Variants in EVPL observed in about 807,000 individuals in gnomAD.
EVPL encodes 210 kDa cornified envelope precursor protein.
EVPL carries 94 observed loss-of-function variants against 129.7 expected under a neutral mutation model. That is an observed-to-expected ratio of 0.72 (90% CI 0.61 to 0.86). The LOEUF (loss-of-function observed/expected upper bound fraction) is 0.86. EVPL is among the 40% of genes least tolerant of loss of function. The pLI is 0.00. For synonymous variants in EVPL, 1,172 were observed against 1,191.1 expected, an observed-to-expected ratio of 0.98 and a Z score of 0.33; for missense variants, 2,625 against 2,721.1, an observed-to-expected ratio of 0.96 and a Z score of 0.79.
rs2066465084 is a variant in EVPL, at chr17:76,022,106, C to T, written c.646-78G>A. On this transcript the variant is annotated intron_variant, in intron 6 of 21. Coordinates refer to ENST00000301607, the MANE Select transcript of EVPL (RefSeq NM_001988.4). This position sits in a 1 kb window ranked among gnomAD's most constrained non-coding sequence, Gnocchi z 5.6. The stretch of plus-strand genomic sequence containing the variant: ...GCAAAAGGCGCCATTGGGCCGCGCT[C>T]AGGAACACTGGCCCCGGGCAGGGTC... The T allele has an allele frequency of 1.3e-6, 2 of 1,589,960 alleles. No homozygotes were observed. Among genetic ancestry groups the T allele is most frequent in the South Asian group, 2.3e-5 (2 of 88,866 alleles).
Position 76,013,030 on chromosome 17 carries a change from C to T in EVPL, c.2374-941G>A, listed in dbSNP as rs1424411343. On this transcript the variant is annotated intron_variant, in intron 18 of 21. Coordinates refer to ENST00000301607, the MANE Select transcript of EVPL (RefSeq NM_001988.4). This position sits in a 1 kb window ranked among gnomAD's most constrained non-coding sequence, Gnocchi z 4.3. ...AAGTGCTGGGATTACAGGCGTGAGC[C>T]ACCGCGCCCGGCCTGAGAATTCATA... 2.6e-5 allele frequency among the ~76,000 whole-genome samples: 4 copies of T among 152,312 alleles called. No individual in the cohort carries two copies. The highest frequency in any genetic ancestry group is 7.2e-5 in the African/African-American group (3 of 41,568).
chr17:76,018,787 G>A, intron 11 of EVPL, 127 bp downstream of exon 11: 1 of 1,295,142 alleles, frequency 7.7e-7, no homozygotes, highest in Non-Finnish European at 1.0e-6. Flanking sequence ...CTGAGTCAAG[G>A]GAAGGAGTAG....
At position 76,011,517 on chromosome 17, in the gene EVPL, G is replaced by A. The variant is rs190508274; in HGVS notation, c.2661+59C>T. On this transcript the variant is annotated intron_variant, in intron 21 of 21. Transcript: ENST00000301607. ...GACAGCCTGGCATTTTGGGAATGGA[G>A]TGGGCATTCCTGGTTATTCCTGGCT... 2.0e-4 allele frequency: 286 copies of A among 1,432,152 alleles called. 2 individuals carry two copies. In the East Asian group the frequency reaches 5.6e-3, roughly 28 times the overall value. 88.7% of individuals were successfully genotyped at this position (1,432,152 alleles called of 1,614,324 possible). A position where few individuals can be genotyped will look rare whatever the true frequency, so the allele number is the denominator to read the frequency against.
chr17:76,015,133 G>A (rs1193688217), intron 16 of EVPL, 24 bp from the exon 17 acceptor site: 3 of 1,566,738 alleles, frequency 1.9e-6, no homozygotes, highest in Non-Finnish European at 2.6e-6. Context: ...GGACGCAGCC[G>A]TGCACCCTCG....
rs138473402 is a variant in EVPL at position 76,011,592 on chromosome 17, C to T, written c.2645G>A (p.Arg882Lys). 1.3e-4 allele frequency: 202 copies of T among 1,614,134 alleles called. No homozygotes were observed. In the African/African-American group the frequency reaches 2.2e-3, roughly 18 times the overall value. Reference protein sequence around the residue: ...QQLLQQLEFARKMLEKKELSE... With the variant: ...QQLLQQLEFAKKMLEKKELSE... ...TCTGTGTACCTTCTCCAGCATTTTT[C>T]TAGCAAACTCCAGCTGCTGGAGCAG... The change falls in exon 21 of 22, where the codon AGA becomes AAA. Residue 882 changes from arginine (R) to lysine (K), a missense_variant. Arg to Lys is a conservative substitution (Grantham distance 26). This residue lies in a region of EVPL where 1,024 missense variants were observed against 997.5 expected (regional missense o/e 1.03). Coordinates refer to ENST00000301607, the MANE Select transcript of EVPL (RefSeq NM_001988.4).
In EVPL at chr17:76,024,551, TC is replaced by T. The variant is rs2066486147; in HGVS notation, c.99-432del. ...GCTGGGGCAGGGAGGCAGCAGCATG[TC>T]CCCCATCCCCACCTCCTCGCACTCC... is the stretch of plus-strand genomic sequence containing the variant. On this transcript the variant is annotated intron_variant, in intron 1 of 21. Transcript: ENST00000301607. The surrounding 1 kb of genome is among the most constrained non-coding windows in gnomAD (Gnocchi z 4.5). Among the ~76,000 whole-genome samples, 1 of 151,814 alleles carries T rather than the reference TC, an allele frequency of 6.6e-6. No homozygotes were observed. Among genetic ancestry groups the T allele is most frequent in the African/African-American group, 2.4e-5 (1 of 41,334 alleles).
chr17:76,024,853 TG>T lies in EVPL; in HGVS notation c.99-734del, dbSNP rs2066488055. ...CGCCCTGCAGCCTCCATAGAGCACC[TG>T]CTGTGTGCATGCACTCACTGTGCGG... On this transcript the variant is annotated intron_variant, in intron 1 of 21. Coordinates refer to ENST00000301607, the MANE Select transcript of EVPL (RefSeq NM_001988.4). This position sits in a 1 kb window ranked among gnomAD's most constrained non-coding sequence, Gnocchi z 4.5. 6.6e-6 allele frequency among the ~76,000 whole-genome samples: 1 copy of T among 152,220 alleles called. No homozygotes were observed. Among genetic ancestry groups the T allele is most frequent in the South Asian group, 2.1e-4 (1 of 4,832 alleles).
intron 12 of EVPL, 61 bp downstream of exon 12, chr17:76,018,385 C>G (rs2066432894): frequency 3.9e-6 from 6 of 1,550,372 alleles, no homozygotes; most frequent in Non-Finnish European, 5.2e-6. Context: ...TGGGCTTGGA[C>G]ACCGCAGGGC....
In EVPL at chr17:76,013,043, C is replaced by CATTTCCCTGTCTTTTT. The variant is rs2066391439; in HGVS notation, c.2374-955_2374-954insAAAAAGACAGGGAAAT. On this transcript the variant is annotated intron_variant, in intron 18 of 21. Coordinates refer to ENST00000301607, the MANE Select transcript of EVPL (RefSeq NM_001988.4). The surrounding 1 kb of genome is among the most constrained non-coding windows in gnomAD (Gnocchi z 4.3). The stretch of plus-strand genomic sequence containing the variant: ...ACAGGCGTGAGCCACCGCGCCCGGC[C>CATTTCCCTGTCTTTTT]TGAGAATTCATATTTCTGATAAGTC... Among the ~76,000 whole-genome samples the CATTTCCCTGTCTTTTT allele has an allele frequency of 6.6e-6, 1 of 152,186 alleles. No homozygotes were observed. Among genetic ancestry groups the CATTTCCCTGTCTTTTT allele is most frequent in the Non-Finnish European group, 1.5e-5 (1 of 68,042 alleles).
chr17:76,008,326 C>G lies in EVPL; in HGVS notation c.4879G>C (p.Glu1627Gln), dbSNP rs747276036. The G allele has an allele frequency of 1.9e-6, 3 of 1,606,766 alleles. No individual in the cohort carries two copies. The highest frequency in any genetic ancestry group is 1.1e-5 in the South Asian group (1 of 91,056). Residue 1627 changes from glutamate (E) to glutamine (Q), a missense_variant, in exon 22 of 22, where the codon GAG (glutamate) becomes CAG (glutamine). Glu to Gln is a conservative substitution (Grantham distance 29, BLOSUM62 2). Coordinates refer to ENST00000301607, the MANE Select transcript of EVPL (RefSeq NM_001988.4). The surrounding 1 kb of genome is among the most constrained non-coding windows in gnomAD (Gnocchi z 7.4). The stretch of plus-strand genomic sequence containing the variant: ...CCCCGCTGGGCCGCCTTCTGTCGCT[C>G]GCTCTCCGTCTTCTGGCTGAGCAGC... ...SKLLSQKTES[E>Q]RQKAAQRGQE...
At chr17:76,020,614 G>GT (rs10696274) in intron 9 of EVPL, among the ~76,000 whole-genome samples, 50,669 of 148,584 alleles carry the variant, frequency 0.34, 9,332 homozygotes, top group African/African-American at 0.48. Flanking sequence ...TTTCTCAACC[G>GT]TTTTTTTTTT....
chr17:76,011,578 T>C lies in EVPL; in HGVS notation c.2659A>G (p.Lys887Glu). 6.2e-7 allele frequency: 1 copy of C among 1,613,678 alleles called. No individual in the cohort carries two copies. The highest frequency in any genetic ancestry group is 8.5e-7 in the Non-Finnish European group (1 of 1,179,616). Residue 887 changes from lysine to glutamate, a missense_variant and splice_region_variant, in exon 21 of 22, where the codon AAG becomes GAG. Coordinates refer to ENST00000301607, the MANE Select transcript of EVPL (RefSeq NM_001988.4). ...AGCTGTAGGTGTTGTCTGTGTACCT[T>C]CTCCAGCATTTTTCTAGCAAACTCC... is the stretch of plus-strand genomic sequence containing the variant. ...QLEFARKMLE[K>E]KELSEDIRRT...
intron 4 of EVPL, 135 bp downstream of exon 4, chr17:76,023,157 A>G (rs1567917030): frequency 1.0e-5 from 15 of 1,451,668 alleles, no homozygotes; most frequent in Middle Eastern, 2.5e-4. Context: ...TGCACTGTCT[A>G]CTCTGCTGTC....
chr17:76,019,762 C>G (rs780582664), intron 9 of EVPL, 109 bp from the exon 10 acceptor site: 2 of 1,376,696 alleles, frequency 1.5e-6, no homozygotes, highest in Non-Finnish European at 1.9e-6. Context: ...TAAACCTAAA[C>G]CAGCTAAACA....
Position 76,024,216 on chromosome 17 carries a change from C to T in EVPL, c.99-96G>A. The T allele has an allele frequency of 2.6e-6, 3 of 1,146,422 alleles. No individual in the cohort carries two copies. Among genetic ancestry groups the T allele is most frequent in the Non-Finnish European group, 3.8e-6 (3 of 784,996 alleles). The allele number at this position is 1,146,422 out of a possible 1,614,324, so 71.0% of individuals were successfully genotyped here. A position where few individuals can be genotyped will look rare whatever the true frequency, so the allele number is the denominator to read the frequency against. On this transcript the variant is annotated intron_variant, in intron 1 of 21. Transcript: ENST00000301607. This position sits in a 1 kb window ranked among gnomAD's most constrained non-coding sequence, Gnocchi z 4.5. ...CCTGCCCTCCCTCCACCCCATCCTGCCCCCACAGCCTAGCTCACTGCCCTG... is the reference window on the plus strand; with the variant it reads ...CCTGCCCTCCCTCCACCCCATCCTGTCCCCACAGCCTAGCTCACTGCCCTG...
At position 76,007,989 on chromosome 17, in the gene EVPL, A is replaced by C. The variant is rs746829847; in HGVS notation, c.5216T>G (p.Leu1739Arg). Residue 1739 changes from leucine to arginine, a missense_variant, in exon 22 of 22, where the codon CTG becomes CGG. Around this residue, in one of 4 missense-constraint regions of EVPL, gnomAD observed 1,453 missense variants for 1,511.8 expected, o/e 0.96. Coordinates refer to ENST00000301607, the MANE Select transcript of EVPL (RefSeq NM_001988.4). The surrounding 1 kb of genome is among the most constrained non-coding windows in gnomAD (Gnocchi z 8.8). ...SGPCGEESVL[L>R]DRKSGKQYSI... ...GTACTGCTTCCCGCTCTTGCGGTCC[A>C]GGAGCACAGACTCCTCCCCACAGGG... is the stretch of plus-strand genomic sequence containing the variant. 9 of 1,613,988 alleles carry C rather than the reference A, an allele frequency of 5.6e-6. No individual in the cohort carries two copies. Among genetic ancestry groups the C allele is most frequent in the Non-Finnish European group, 7.6e-6 (9 of 1,180,028 alleles).
rs759597715 is a variant in EVPL, at chr17:76,008,047, C to G, written c.5158G>C (p.Glu1720Gln). ...GTGGTGACCTCCTCCCAGTCACACTCGAGCTCCTGCAGCTGCAAGTACTGG... is the reference window on the plus strand; with the variant it reads ...GTGGTGACCTCCTCCCAGTCACACTGGAGCTCCTGCAGCTGCAAGTACTGG... ...RGQYLQLQELECDWEEVTTSG... is the reference protein window; with the variant it reads ...RGQYLQLQELQCDWEEVTTSG... Residue 1720 changes from glutamate to glutamine, a missense_variant, in exon 22 of 22, where the codon GAG (glutamate) becomes CAG (glutamine). This residue lies in a region of EVPL where 1,453 missense variants were observed against 1,511.8 expected (regional missense o/e 0.96). Coordinates refer to ENST00000301607, the MANE Select transcript of EVPL (RefSeq NM_001988.4). The surrounding 1 kb of genome is among the most constrained non-coding windows in gnomAD (Gnocchi z 7.4). The G allele has an allele frequency of 2.5e-6, 4 of 1,614,164 alleles. No homozygotes were observed. Among genetic ancestry groups the G allele is most frequent in the South Asian group, 1.1e-5 (1 of 91,076 alleles).
At position 76,009,602 on chromosome 17, in the gene EVPL, CT is replaced by C. The variant is rs751160453; in HGVS notation, c.3602del (p.Gln1201ArgfsTer53). On this transcript the variant is annotated frameshift_variant, in exon 22 of 22. Transcript: ENST00000301607. LOFTEE classifies it low-confidence loss of function (END_TRUNC). This position sits in a 1 kb window ranked among gnomAD's most constrained non-coding sequence, Gnocchi z 5.9. ...TCTCCTGCTCTGTCTCCGGATCCAC[CT>C]GGAAGATCTCGTGGACGCGCTCCTG... ...QLQERVHEIF[Q>X]VDPETEQEIT... 2.5e-6 allele frequency: 4 copies of C among 1,614,070 alleles called. No homozygotes were observed. The highest frequency in any genetic ancestry group is 3.4e-6 in the Non-Finnish European group (4 of 1,180,036).
At chr17:76,026,468 G>C (rs1567918775) in intron 1 of EVPL, among the ~76,000 whole-genome samples, 1 of 152,202 alleles carries the variant, frequency 6.6e-6, no homozygotes, top group Non-Finnish European at 1.5e-5. Context: ...TCCCGCATTG[G>C]CCTCCTGAAG....
Sources: gnomAD v4.1 joint callset for allele counts (sites outside exome capture counted in the v4.1 genomes callset) on GRCh38, gnomAD v4.1.1 for gene constraint, gnomAD v4.1.1 regional missense constraint, Gnocchi (gnomAD v3.1) non-coding constraint, MANE v1.5 for transcripts, NCBI Gene and HGNC (gene_info 2026-07-23, HGNC 2026-07-21) for gene names.